The following LRP1B variants were observed in gnomAD, a reference collection of about 807,000 sequenced individuals.
LRP1B encodes LDL receptor related protein 1B.
In LRP1B, 217 loss-of-function variants were observed where a neutral mutation model predicts 556.6. That is an observed-to-expected ratio of 0.39 (90% CI 0.35 to 0.44). The LOEUF is 0.44. LRP1B is among the 20% of genes least tolerant of loss of function. The pLI is 1.00. For missense variants in LRP1B, 5,053 were observed against 5,620.8 expected (o/e 0.90, Z 3.23); for synonymous variants, 2,047 against 1,865.8 (o/e 1.10, Z -2.50).
At chr2:141,144,740 CA>C (rs1701741033) in intron 7 of LRP1B, among the ~76,000 whole-genome samples, 2 of 152,170 alleles carry the variant, frequency 1.3e-5, no homozygotes, top group Admixed American at 1.3e-4. Flanking sequence ...TCATTAAAGT[CA>C]CCATCTGGCA....
chr2:141,805,183 G>A (rs75748344), intron 2 of LRP1B, among the ~76,000 whole-genome samples: 3,291 of 152,144 alleles, frequency 0.022, 127 homozygotes, highest in African/African-American at 0.076. Context: ...ACTGGCATTT[G>A]CCTTTTCCCT....
chr2:141,335,344 A>G (rs1233139176), intron 3 of LRP1B, among the ~76,000 whole-genome samples: 1 of 152,216 alleles, frequency 6.6e-6, no homozygotes, highest in Non-Finnish European at 1.5e-5. Context: ...AGAGAGACAT[A>G]AACAACACAC....
In LRP1B at chr2:141,166,367, C is replaced by CTT. The variant is rs35200370; in HGVS notation, c.1013+22052_1013+22053dup. On this transcript the variant is annotated intron_variant, in intron 7 of 90. Transcript: ENST00000389484. ...TCTGACTAACATCTTCTCTCTCATT[C>CTT]TTTTTTTTTTTTTTTTTACATTTTA... is the stretch of plus-strand genomic sequence containing the variant. 5.3e-3 allele frequency among the ~76,000 whole-genome samples: 709 copies of CTT among 132,716 alleles called. 5 individuals are homozygous for CTT. Among genetic ancestry groups the CTT allele is most frequent in the Non-Finnish European group, 8.4e-3 (534 of 63,212 alleles). The allele number at this position is 132,716 out of a possible 152,430, so 87.1% of individuals were successfully genotyped here.
chr2:141,032,702 G>T (rs1698407066), intron 11 of LRP1B, among the ~76,000 whole-genome samples: 1 of 151,418 alleles, frequency 6.6e-6, no homozygotes, highest in Non-Finnish European at 1.5e-5. Flanking sequence ...TCTGTTATAT[G>T]AATTGTGAAC....
chr2:141,172,739 A>G (rs1008658818), intron 7 of LRP1B, among the ~76,000 whole-genome samples: 2 of 152,042 alleles, frequency 1.3e-5, no homozygotes, highest in Admixed American at 1.3e-4. Flanking sequence ...TCTGTGGAAA[A>G]ATAGACATTA....
chr2:140,669,252 A>G (rs1172350083), intron 41 of LRP1B, among the ~76,000 whole-genome samples: 3 of 152,200 alleles, frequency 2.0e-5, no homozygotes, highest in African/African-American at 7.2e-5. Context: ...ATAATGAGAC[A>G]GTAAAGACAA....
intron 43 of LRP1B, among the ~76,000 whole-genome samples, chr2:140,566,237 C>A (rs1473810633): frequency 1.3e-5 from 2 of 152,128 alleles, no homozygotes; most frequent in Non-Finnish European, 2.9e-5. Flanking sequence ...TTGTAGAAGT[C>A]CTCCACCCTA....
intron 81 of LRP1B, among the ~76,000 whole-genome samples, chr2:140,322,524 C>A (rs1203597913): frequency 7.0e-6 from 1 of 142,302 alleles, no homozygotes; most frequent in African/African-American, 2.8e-5. Context: ...ATCCCCCCGC[C>A]TTGTATTTAT....
intron 2 of LRP1B, among the ~76,000 whole-genome samples, chr2:141,563,739 T>C (rs12615716): frequency 0.25 from 37,517 of 151,988 alleles, 5,228 homozygotes; most frequent in East Asian, 0.47. Flanking sequence ...TGGTTGCAGC[T>C]GGAGGCCATT....
chr2:140,801,160 G>A (rs1434261229), intron 32 of LRP1B, among the ~76,000 whole-genome samples: 1 of 152,098 alleles, frequency 6.6e-6, no homozygotes, highest in Admixed American at 6.5e-5. Context: ...TATGAATAAA[G>A]TGTGGTCCCA....
At chr2:141,013,433 G>C in intron 14 of LRP1B, 123 bp downstream of exon 14, 2 of 741,662 alleles carry the variant, frequency 2.7e-6, no homozygotes, top group South Asian at 4.8e-5. Context: ...GATTGACTTT[G>C]GAGGGAATTT....
intron 73 of LRP1B, 61 bp from the exon 74 acceptor site, chr2:140,358,177 T>G (rs1682323156): frequency 8.8e-6 from 13 of 1,476,014 alleles, no homozygotes; most frequent in Non-Finnish European, 1.0e-5. Flanking sequence ...TTATTGAGCA[T>G]GTAATAGCTC....
chr2:141,960,492 C>A (rs1028163828), intron 1 of LRP1B, among the ~76,000 whole-genome samples: 2 of 151,860 alleles, frequency 1.3e-5, no homozygotes. Flanking sequence ...AATTATGGTG[C>A]TCCTTACTAT....
intron 1 of LRP1B, among the ~76,000 whole-genome samples, chr2:141,963,468 T>C (rs1462046285): frequency 2.0e-5 from 3 of 151,714 alleles, no homozygotes; most frequent in African/African-American, 4.8e-5. Context: ...TAATCCAGCA[T>C]ATAAACAGAG....
At chr2:141,512,104 C>T (rs977195563) in intron 2 of LRP1B, among the ~76,000 whole-genome samples, 25 of 152,100 alleles carry the variant, frequency 1.6e-4, no homozygotes, top group East Asian at 5.8e-4. Flanking sequence ...TTACTCCATA[C>T]GGAATGGATA....
intron 3 of LRP1B, among the ~76,000 whole-genome samples, chr2:141,356,742 G>T (rs1472004959): frequency 6.6e-6 from 1 of 152,140 alleles, no homozygotes; most frequent in Non-Finnish European, 1.5e-5. Context: ...ACTGTGAGGA[G>T]TTGTGTTGTA....
intron 6 of LRP1B, among the ~76,000 whole-genome samples, chr2:141,217,904 C>T (rs1005358794): frequency 4.6e-5 from 7 of 151,980 alleles, no homozygotes; most frequent in African/African-American, 1.7e-4. Context: ...AATAAAAACT[C>T]CATTAAAAAG....
intron 78 of LRP1B, 137 bp downstream of exon 78, chr2:140,335,474 GAAGA>G (rs1433550214): frequency 1.6e-6 from 1 of 635,908 alleles, no homozygotes; most frequent in Non-Finnish European, 2.8e-6. Flanking sequence ...CTTTTTTACA[GAAGA>G]AATAGTACAA....
chr2:141,691,138 T>C (rs1374600414), intron 2 of LRP1B, among the ~76,000 whole-genome samples: 2 of 151,878 alleles, frequency 1.3e-5, no homozygotes, highest in Non-Finnish European at 2.9e-5. Context: ...GTAAGGACTT[T>C]GTTACTGTTG....
Sources: gnomAD v4.1 joint callset for allele counts (sites outside exome capture counted in the v4.1 genomes callset) on GRCh38, gnomAD v4.1.1 for gene constraint, MANE v1.5 for transcripts, NCBI Gene and HGNC (gene_info 2026-07-23, HGNC 2026-07-21) for gene names.